Variants in JPH3 observed in about 807,000 individuals in gnomAD.
JPH3 encodes junctophilin 3.
JPH3 carries 11 observed loss-of-function variants against 59.6 expected under a neutral mutation model. The ratio of observed to expected loss-of-function variants is 0.18; its 90% CI spans 0.12 to 0.31. JPH3 has a LOEUF of 0.31. Ranked by LOEUF, JPH3 falls within the 10% of genes least tolerant of loss-of-function variation. The pLI is 1.00. For missense variants in JPH3, 1,202 were observed against 1,105.7 expected, an observed-to-expected ratio of 1.09 and a Z score of -1.24; for synonymous variants, 673 against 483.6, an observed-to-expected ratio of 1.39 and a Z score of -5.14.
Position 87,662,175 on chromosome 16 carries a change from C to T in JPH3, c.1160+17140C>T, listed in dbSNP as rs189781302. On this transcript the variant is annotated intron_variant, in intron 2 of 4. Coordinates refer to ENST00000284262, the MANE Select transcript of JPH3 (RefSeq NM_020655.4). The stretch of plus-strand genomic sequence containing the variant: ...TGGGCACAGGGACATCCCGAAGCGC[C>T]GGTCCCAGAGCCTGGGCTCTGCTGC... Among the ~76,000 whole-genome samples, 331 of 152,296 alleles carry T rather than the reference C, an allele frequency of 2.2e-3. 10 individuals are homozygous for T. Among genetic ancestry groups the T allele is most frequent in the Non-Finnish European group, 7.5e-4 (51 of 68,026 alleles).
At chr16:87,669,968 G>A (rs1322123223) in intron 2 of JPH3, among the ~76,000 whole-genome samples, 2 of 152,204 alleles carry the variant, frequency 1.3e-5, no homozygotes, top group Non-Finnish European at 2.9e-5. Context: ...GTCAGCTCCA[G>A]CCGTGGGGGC....
chr16:87,646,842 G>A (rs879697197), intron 2 of JPH3, among the ~76,000 whole-genome samples: 6 of 152,172 alleles, frequency 3.9e-5, no homozygotes, highest in Non-Finnish European at 8.8e-5. Context: ...ACAGTGCCCT[G>A]CAGGACTGAG....
intron 3 of JPH3, among the ~76,000 whole-genome samples, chr16:87,686,146 C>T (rs956557902): frequency 4.6e-5 from 7 of 152,196 alleles, no homozygotes; most frequent in Admixed American, 1.3e-4. Context: ...TCCAGAAACA[C>T]GAGTTTGCCT....
rs754206759 is a variant in JPH3, at chr16:87,689,664, C to G, written c.1304C>G (p.Pro435Arg). Residue 435 changes from proline (P) to arginine (R), a missense_variant, in exon 4 of 5, where the codon CCG (proline) becomes CGG (arginine). Coordinates refer to ENST00000284262, the MANE Select transcript of JPH3 (RefSeq NM_020655.4). ...CATACAGGGCTGGAGTACCAGAGGC[C>G]GAAGCGTCAGACCTCCTGTGACGAC... ...HRENGLEYQR[P>R]KRQTSCDDIE... 18 of 1,611,902 alleles carry G rather than the reference C, an allele frequency of 1.1e-5. No homozygotes were observed. Among genetic ancestry groups the G allele is most frequent in the Non-Finnish European group, 1.7e-6 (2 of 1,179,590 alleles).
intron 2 of JPH3, among the ~76,000 whole-genome samples, chr16:87,682,896 C>T (rs1164411919): frequency 6.6e-6 from 1 of 152,252 alleles, no homozygotes; most frequent in Non-Finnish European, 1.5e-5. Flanking sequence ...TGCTGAGATG[C>T]ACAGAGCCCC....
Position 87,689,711 on chromosome 16 carries a change from A to G in JPH3, c.1351A>G (p.Thr451Ala). 1 of 1,612,380 alleles carries G rather than the reference A, an allele frequency of 6.2e-7. No individual in the cohort carries two copies. ...CGACATCGAGGTGCTGTCCACCGGG[A>G]CACCCCTGCAGCAGGAGAGCCCCGA... ...CDDIEVLSTG[T>A]PLQQESPELY... Residue 451 changes from threonine to alanine, a missense_variant, in exon 4 of 5, where the codon ACA (threonine) becomes GCA (alanine). Transcript: ENST00000284262.
chr16:87,642,640 A>G (rs1199551506), intron 1 of JPH3, among the ~76,000 whole-genome samples: 1 of 152,232 alleles, frequency 6.6e-6, no homozygotes, highest in Non-Finnish European at 1.5e-5. Context: ...CCAGGGTGGC[A>G]CATCCACGCC....
chr16:87,695,542 G>A (rs1215471093), intron 4 of JPH3: 6 of 454,744 alleles, frequency 1.3e-5, no homozygotes, highest in Non-Finnish European at 2.2e-5. Context: ...TGGGGGTGGG[G>A]AGAGGCAGGG....
chr16:87,669,047 A>G (rs1362951289), intron 2 of JPH3, among the ~76,000 whole-genome samples: 1 of 152,080 alleles, frequency 6.6e-6, no homozygotes, highest in Non-Finnish European at 1.5e-5. Context: ...GAGAATTAGT[A>G]AGGAAATCGC....
At chr16:87,687,252 T>C (rs184351683) in intron 3 of JPH3, among the ~76,000 whole-genome samples, 3 of 152,092 alleles carry the variant, frequency 2.0e-5, no homozygotes, top group Non-Finnish European at 4.4e-5. Flanking sequence ...CAATGACAGA[T>C]GACAGAACAG....
chr16:87,644,650 G>T lies in JPH3; in HGVS notation c.775G>T (p.Asp259Tyr). The T allele has an allele frequency of 6.2e-7, 1 of 1,611,724 alleles. No individual in the cohort carries two copies. The highest frequency in any genetic ancestry group is 1.1e-5 in the South Asian group (1 of 91,076). The change falls in exon 2 of 5, where the codon GAC becomes TAC. Residue 259 changes from aspartate (D) to tyrosine (Y), a missense_variant. Asp to Tyr is a radical substitution (Grantham distance 160). Coordinates refer to ENST00000284262, the MANE Select transcript of JPH3 (RefSeq NM_020655.4). Reference sequence around the variant, plus strand: ...GAGCACCGTCAGCTCCACGGCCAGCGACATCCACTCCACCATCAGCCTGGG... The same window carrying T: ...GAGCACCGTCAGCTCCACGGCCAGCTACATCCACTCCACCATCAGCCTGGG... ...GMSTVSSTAS[D>Y]IHSTISLGEA...
Position 87,602,542 on chromosome 16 carries a change from G to GCCA in JPH3, c.-603_-602insACC, listed in dbSNP as rs1567576981. ...AGCCGGGCCCGGAGCGCACGCCGCC[G>GCCA]CCGCCACCGCCGCCGCCGCCGCCCG... is the stretch of plus-strand genomic sequence containing the variant. On this transcript the variant is annotated 5_prime_UTR_variant, in exon 1 of 5. Coordinates refer to ENST00000284262, the MANE Select transcript of JPH3 (RefSeq NM_020655.4). 1.4e-5 allele frequency among the ~76,000 whole-genome samples: 2 copies of GCCA among 139,386 alleles called. No individual in the cohort carries two copies. The highest frequency in any genetic ancestry group is 5.1e-5 in the African/African-American group (2 of 38,864). 91.4% of individuals were successfully genotyped at this position (139,386 alleles called of 152,430 possible). A position where few individuals can be genotyped will look rare whatever the true frequency, so the allele number is the denominator to read the frequency against.
chr16:87,668,787 C>T (rs1476038800), intron 2 of JPH3, among the ~76,000 whole-genome samples: 1 of 152,168 alleles, frequency 6.6e-6, no homozygotes, highest in Non-Finnish European at 1.5e-5. Context: ...GGATTCCAGA[C>T]ACTGCCTCCT....
In JPH3 at chr16:87,644,906, TCGG is replaced by T. The variant is rs1567596551; in HGVS notation, c.1036_1038del (p.Gly346del). 6.2e-7 allele frequency: 1 copy of T among 1,612,946 alleles called. No homozygotes were observed. The highest frequency in any genetic ancestry group is 1.1e-5 in the South Asian group (1 of 91,072). ...GGCAAGTACAAGCAGAACATCCTCG[TCGG>T]CGGCAAGCGCAAGAACCTCATCCCC... On this transcript the variant is annotated inframe_deletion, in exon 2 of 5. Coordinates refer to ENST00000284262, the MANE Select transcript of JPH3 (RefSeq NM_020655.4).
At chr16:87,638,895 CAG>C (rs2031846350) in intron 1 of JPH3, among the ~76,000 whole-genome samples, 1 of 152,102 alleles carries the variant, frequency 6.6e-6, no homozygotes, top group Admixed American at 6.5e-5. Context: ...ACGAATCTCT[CAG>C]GATGTGAAGT....
intron 2 of JPH3, among the ~76,000 whole-genome samples, chr16:87,649,922 T>G (rs1427876896): frequency 6.6e-6 from 1 of 152,250 alleles, no homozygotes; most frequent in African/African-American, 2.4e-5. Flanking sequence ...GGATTGTTTC[T>G]GCTGGGACCC....
chr16:87,643,397 G>T (rs1324808235), intron 1 of JPH3, among the ~76,000 whole-genome samples: 1 of 152,022 alleles, frequency 6.6e-6, no homozygotes, highest in Non-Finnish European at 1.5e-5. Context: ...CTTCTTCTGG[G>T]GATATCAGGT....
At chr16:87,634,849 C>T (rs1050306480) in intron 1 of JPH3, among the ~76,000 whole-genome samples, 11 of 152,230 alleles carry the variant, frequency 7.2e-5, no homozygotes, top group African/African-American at 2.4e-4. Context: ...TCTGTGTGGG[C>T]TTCGGATCAG....
At chr16:87,669,627 T>G (rs1216731606) in intron 2 of JPH3, among the ~76,000 whole-genome samples, 1 of 152,146 alleles carries the variant, frequency 6.6e-6, no homozygotes, top group Non-Finnish European at 1.5e-5. Flanking sequence ...ATGGTGAGTT[T>G]CCACAGCAGT....
Sources: gnomAD v4.1 joint callset for allele counts (sites outside exome capture counted in the v4.1 genomes callset) on GRCh38, gnomAD v4.1.1 for gene constraint, MANE v1.5 for transcripts, NCBI Gene and HGNC (gene_info 2026-07-23, HGNC 2026-07-21) for gene names.